TF: variants seen among roughly 807,000 people sequenced by gnomAD.
TF encodes transferrin, also known as serotransferrin.
TF carries 55 observed loss-of-function variants against 82.4 expected under a neutral mutation model. The observed-to-expected ratio is 0.67, with a 90% CI of 0.54 to 0.84. TF has a LOEUF of 0.84. Ranked by LOEUF, TF falls within the 40% of genes least tolerant of loss-of-function variation. TF has a pLI of 0.00. For missense variants in TF, 737 were observed against 868.4 expected (o/e 0.85, Z 1.90); for synonymous variants, 332 against 332.6 (o/e 1.00, Z 0.02).
At chr3:133,666,653 G>C in the TF span, among the ~76,000 whole-genome samples, 1 of 152,162 alleles carries the variant, frequency 6.6e-6, no homozygotes, top group African/African-American at 2.4e-5. Flanking sequence ...TCTATTCTAT[G>C]TGGGTTGCTA....
chr3:133,667,772 C>A, the TF span, among the ~76,000 whole-genome samples: 1 of 152,170 alleles, frequency 6.6e-6, no homozygotes, highest in East Asian at 1.9e-4. Flanking sequence ...GTCTAAGGAG[C>A]TACTAGAAAG....
chr3:133,666,031 TTTA>T, the TF span, among the ~76,000 whole-genome samples: 1 of 151,962 alleles, frequency 6.6e-6, no homozygotes, highest in Non-Finnish European at 1.5e-5. Flanking sequence ...AATATGAATA[TTTA>T]TTATTATATT....
the TF span, among the ~76,000 whole-genome samples, chr3:133,679,568 G>GTTTTTT: frequency 1.7e-5 from 1 of 59,990 alleles, no homozygotes; most frequent in African/African-American, 8.4e-5. Flanking sequence ...GCTTTGTTTG[G>GTTTTTT]CTTTTTTTTT....
chr3:133,756,250 A>G, intron 5 of TF, 32 bp from the exon 6 acceptor site: 2 of 1,612,180 alleles, frequency 1.2e-6, no homozygotes. Flanking sequence ...CCTGCCCTGC[A>G]GGAGCCCTGC....
intron 7 of TF, among the ~76,000 whole-genome samples, chr3:133,757,233 C>T (rs1467244854): frequency 6.6e-6 from 1 of 152,186 alleles, no homozygotes; most frequent in Admixed American, 6.5e-5. Flanking sequence ...GCTGGTGACA[C>T]CTGAAGAGGC....
At chr3:133,725,893 T>A in the TF span, among the ~76,000 whole-genome samples, 1 of 152,258 alleles carries the variant, frequency 6.6e-6, no homozygotes, top group Non-Finnish European at 1.5e-5. Flanking sequence ...TCAAATGCCT[T>A]TTCTACATCT....
At chr3:133,746,042 C>T (rs1490654382), upstream of TF, 2 of 359,988 alleles carry the variant, frequency 5.6e-6, no homozygotes, top group Non-Finnish European at 1.1e-5. Context: ...CCTCTGTGGA[C>T]TGCGCAGATA....
At chr3:133,746,264 G>A, upstream of TF, 6 of 697,824 alleles carry the variant, frequency 8.6e-6, no homozygotes, top group East Asian at 5.4e-5. Context: ...TCAGTGGGAC[G>A]AGTAAGGAAG....
chr3:133,701,142 T>C, the TF span: 1 of 152,558 alleles, frequency 6.6e-6, no homozygotes, highest in Non-Finnish European at 1.5e-5. Flanking sequence ...GCCTGCAAGC[T>C]TCACCCAAAG....
At chr3:133,764,748 A>G in intron 10 of TF, 127 bp from the exon 11 acceptor site, 1 of 885,528 alleles carries the variant, frequency 1.1e-6, no homozygotes, top group Non-Finnish European at 1.8e-6. Context: ...CTTGTTGGGA[A>G]TTGATGACAT....
intron 13 of TF, among the ~76,000 whole-genome samples, chr3:133,768,503 G>A (rs1197595267): frequency 3.9e-5 from 6 of 152,196 alleles, no homozygotes; most frequent in African/African-American, 9.6e-5. Flanking sequence ...CATCTAACAC[G>A]TAGAAGCCAC....
At chr3:133,768,784 A>ATTTTTT (rs5852766) in intron 13 of TF, among the ~76,000 whole-genome samples, 3 of 82,162 alleles carry the variant, frequency 3.7e-5, no homozygotes, top group African/African-American at 1.0e-4. Context: ...GTACCTTGCT[A>ATTTTTT]TTTTTTTTTT....
At chr3:133,733,044 C>T in the TF span, among the ~76,000 whole-genome samples, 1 of 152,236 alleles carries the variant, frequency 6.6e-6, no homozygotes, top group East Asian at 1.9e-4. Flanking sequence ...AATGCCACTT[C>T]TACCAACGCT....
chr3:133,731,194 G>C, the TF span, among the ~76,000 whole-genome samples: 1 of 152,130 alleles, frequency 6.6e-6, no homozygotes, highest in Non-Finnish European at 1.5e-5. Flanking sequence ...GGCCCTAGGA[G>C]CACTGGACTC....
At chr3:133,763,432 G>A (rs548885974) in intron 9 of TF, among the ~76,000 whole-genome samples, 329 of 152,272 alleles carry the variant, frequency 2.2e-3, no homozygotes, top group African/African-American at 7.5e-3. Context: ...CTATTCCATA[G>A]CATGGATGTG....
At position 133,775,548 on chromosome 3, in the gene TF, C is replaced by T; in HGVS notation, c.1803C>T (p.Ala601=). Residue 601 remains alanine (A), a synonymous_variant, in exon 15 of 17, where the codon GCC becomes GCT. Transcript: ENST00000402696. Reference sequence around the variant, plus strand: ...ATGCGAACTGCCACCTGGCCAGAGCCCCGAATCACGCTGTGGTCACACGGA... The same window carrying T: ...ATGCGAACTGCCACCTGGCCAGAGCTCCGAATCACGCTGTGGTCACACGGA... ...EEYANCHLAR[A]PNHAVVTRKD... The T allele has an allele frequency of 6.2e-7, 1 of 1,614,160 alleles. No individual in the cohort carries two copies. Among genetic ancestry groups the T allele is most frequent in the Non-Finnish European group, 8.5e-7 (1 of 1,180,024 alleles).
Position 133,785,766 on chromosome 3 carries a change from AGAAAGGCGG to A in TF, c.*7157_*7165del, listed in dbSNP as rs1339028212. 1 of 64,302 alleles carries A rather than the reference AGAAAGGCGG, an allele frequency of 1.6e-5. No homozygotes were observed. The highest frequency in any genetic ancestry group is 5.7e-5 in the African/African-American group (1 of 17,404). 4.0% of individuals were successfully genotyped at this position (64,302 alleles called of 1,614,324 possible). A position where few individuals can be genotyped will look rare whatever the true frequency, so the allele number is the denominator to read the frequency against. ...GATGACAATGGCGGCCTTGTGGAAT[AGAAAGGCGG>A]GAAAGGCGGGGAAAAGATTGAGAAA... On this transcript the variant is annotated 3_prime_UTR_variant, in exon 17 of 17. Coordinates refer to ENST00000402696, the MANE Select transcript of TF (RefSeq NM_001063.4).
At chr3:133,677,625 A>G in the TF span, among the ~76,000 whole-genome samples, 2 of 152,130 alleles carry the variant, frequency 1.3e-5, no homozygotes, top group African/African-American at 4.8e-5. Context: ...GCAACAGAGC[A>G]AGACTCTGTC....
At chr3:133,723,277 G>A in the TF span, among the ~76,000 whole-genome samples, 1 of 152,126 alleles carries the variant, frequency 6.6e-6, no homozygotes, top group Non-Finnish European at 1.5e-5. Flanking sequence ...GTTGAATCTA[G>A]ATGGAGACCT....
Sources: gnomAD v4.1 joint callset for allele counts (sites outside exome capture counted in the v4.1 genomes callset) on GRCh38, gnomAD v4.1.1 for gene constraint, MANE v1.5 for transcripts, NCBI Gene and HGNC (gene_info 2026-07-23, HGNC 2026-07-21) for gene names.